The following ATP11A variants were observed in gnomAD, a reference collection of about 807,000 sequenced individuals.
ATP11A encodes phospholipid-transporting ATPase IH.
ATP11A carries 81 observed loss-of-function variants against 154.4 expected under a neutral mutation model. The observed-to-expected ratio is 0.52, with a 90% confidence interval of 0.44 to 0.63. The LOEUF is 0.63. Among genes scored for constraint, ATP11A ranks in the 30% least tolerant of loss-of-function variants. The pLI, the probability that ATP11A is intolerant of heterozygous loss-of-function variation, is 0.00. For missense variants in ATP11A, 1,316 were observed against 1,474.3 expected (o/e 0.89, Z 1.76); for synonymous variants, 623 against 585.9 (o/e 1.06, Z -0.91).
chr13:112,785,829 CAG>C lies in ATP11A; in HGVS notation c.162+577_162+578del, dbSNP rs2077611717. ...GAAGTGCACACACATTTCCCACGTT[CAG>C]AGAGTGACCTGGAAACAGGTCTTAA... On this transcript the variant is annotated intron_variant, in intron 2 of 29. Transcript: ENST00000375645. This position sits in a 1 kb window ranked among gnomAD's most constrained non-coding sequence, Gnocchi z 4.8. Among the ~76,000 whole-genome samples the C allele has an allele frequency of 1.3e-5, 2 of 152,244 alleles. No homozygotes were observed. The highest frequency in any genetic ancestry group is 1.3e-4 in the Admixed American group (2 of 15,290).
In ATP11A at chr13:112,690,048, G is replaced by A. The variant is rs945943962; in HGVS notation, c.-369G>A. On this transcript the variant is annotated 5_prime_UTR_variant, in exon 1 of 30. Coordinates refer to ENST00000375645, the MANE Select transcript of ATP11A (RefSeq NM_015205.3). The surrounding 1 kb of genome is among the most constrained non-coding windows in gnomAD (Gnocchi z 5.6). ...GGGCCCGGAGGCTCCAGAGGGCGGCGGGCAGGGGAGGAGGAGACTCGGGAG... is the reference window on the plus strand; with the variant it reads ...GGGCCCGGAGGCTCCAGAGGGCGGCAGGCAGGGGAGGAGGAGACTCGGGAG... Among the ~76,000 whole-genome samples, 2 of 148,714 alleles carry A rather than the reference G, an allele frequency of 1.3e-5. No individual in the cohort carries two copies. Among genetic ancestry groups the A allele is most frequent in the Admixed American group, 1.3e-4 (2 of 14,986 alleles).
intron 1 of ATP11A, among the ~76,000 whole-genome samples, chr13:112,709,060 A>C (rs1887465839): frequency 6.6e-6 from 1 of 151,414 alleles, no homozygotes; most frequent in Admixed American, 6.6e-5. Context: ...TGGGAGGGGG[A>C]ATTGGGTGTC....
In ATP11A at chr13:112,786,516, CTG is replaced by C. The variant is rs1195644081; in HGVS notation, c.162+1262_162+1263del. The stretch of plus-strand genomic sequence containing the variant: ...GTGGACGGGCTGCACATGGGGTAAA[CTG>C]TGCTTTCCAGGTAATGCGGAACGCA... On this transcript the variant is annotated intron_variant, in intron 2 of 29. Coordinates refer to ENST00000375645, the MANE Select transcript of ATP11A (RefSeq NM_015205.3). Among the ~76,000 whole-genome samples the C allele has an allele frequency of 2.4e-3, 140 of 58,836 alleles. 36 individuals carry two copies. Among genetic ancestry groups the C allele is most frequent in the African/African-American group, 7.9e-3 (82 of 10,422 alleles). The allele number at this position is 58,836 out of a possible 152,430, so 38.6% of individuals were successfully genotyped here. A position where few individuals can be genotyped will look rare whatever the true frequency, so the allele number is the denominator to read the frequency against.
intron 16 of ATP11A, among the ~76,000 whole-genome samples, chr13:112,841,114 AC>A (rs2079402980): frequency 6.6e-6 from 1 of 152,176 alleles, no homozygotes; most frequent in Non-Finnish European, 1.5e-5. Context: ...GCAGAGTGCC[AC>A]GTGGCTTCGC....
rs116806838 is a variant in ATP11A at position 112,768,300 on chromosome 13, C to A, written c.40-16835C>A. Among the ~76,000 whole-genome samples, 579 of 152,370 alleles carry A rather than the reference C, an allele frequency of 3.8e-3. 3 individuals are homozygous for A. The highest frequency in any genetic ancestry group is 0.013 in the African/African-American group (548 of 41,588). On this transcript the variant is annotated intron_variant, in intron 1 of 29. Coordinates refer to ENST00000375645, the MANE Select transcript of ATP11A (RefSeq NM_015205.3). ...CTTTCACTTCTGCCTTCTGCGGCGTCTTCCTCTGTGGAGTTGGCGTCGGCC... is the reference window on the plus strand; with the variant it reads ...CTTTCACTTCTGCCTTCTGCGGCGTATTCCTCTGTGGAGTTGGCGTCGGCC...
At chr13:112,852,416 T>C (rs1312635709) in intron 18 of ATP11A, among the ~76,000 whole-genome samples, 5 of 152,324 alleles carry the variant, frequency 3.3e-5, no homozygotes, top group Admixed American at 3.3e-4. Flanking sequence ...TTGGTGGTTT[T>C]GTGTTTTGTT....
At chr13:112,711,673 C>T (rs1303923783) in intron 1 of ATP11A, among the ~76,000 whole-genome samples, 1 of 152,218 alleles carries the variant, frequency 6.6e-6, no homozygotes, top group African/African-American at 2.4e-5. Context: ...GGGCTTTGGA[C>T]CGGGCAAGAC....
intron 12 of ATP11A, among the ~76,000 whole-genome samples, chr13:112,829,033 C>G (rs148062078): frequency 4.3e-4 from 65 of 152,378 alleles, no homozygotes; most frequent in African/African-American, 1.5e-3. Flanking sequence ...TGCACCTTCT[C>G]TGTATCCTGT....
At chr13:112,768,482 G>A (rs1032649819) in intron 1 of ATP11A, among the ~76,000 whole-genome samples, 5 of 152,208 alleles carry the variant, frequency 3.3e-5, no homozygotes, top group African/African-American at 9.6e-5. Flanking sequence ...GTTGTTCTGT[G>A]TATGCTGTTA....
At chr13:112,823,565 A>G (rs2078856731) in intron 9 of ATP11A, among the ~76,000 whole-genome samples, 156 bp downstream of exon 9, 1 of 152,278 alleles carries the variant, frequency 6.6e-6, no homozygotes, top group Non-Finnish European at 1.5e-5. Flanking sequence ...AGATTTGATC[A>G]GTGAATAAGT....
At chr13:112,863,957 TTCA>T (rs1163531840) in intron 25 of ATP11A, among the ~76,000 whole-genome samples, 1 of 85,132 alleles carries the variant, frequency 1.2e-5, no homozygotes, top group Non-Finnish European at 2.4e-5. Context: ...TGCGCAGTAA[TTCA>T]GTGCGGCCCA....
chr13:112,853,405 A>C (rs191541522), intron 18 of ATP11A, among the ~76,000 whole-genome samples: 251 of 152,302 alleles, frequency 1.6e-3, no homozygotes, highest in South Asian at 4.3e-3. Context: ...GTTCTTCCCA[A>C]AACCTAACCA....
rs775499478 is a variant in ATP11A, at chr13:112,857,803, T to C, written c.2419-15T>C. On this transcript the variant is annotated splice_polypyrimidine_tract_variant and intron_variant, in intron 20 of 29. Transcript: ENST00000375645. The stretch of plus-strand genomic sequence containing the variant: ...GAAACAGAGAAGATAAATTCCGCAT[T>C]TCTTTCTTTTGCAGATTGTTAAATT... 1 of 1,601,020 alleles carries C rather than the reference T, an allele frequency of 6.2e-7. No individual in the cohort carries two copies. The highest frequency in any genetic ancestry group is 8.6e-7 in the Non-Finnish European group (1 of 1,168,118).
At position 112,816,131 on chromosome 13, in the gene ATP11A, T is replaced by G. The variant is rs1188877668; in HGVS notation, c.490T>G (p.Leu164Val). 6.2e-7 allele frequency: 1 copy of G among 1,614,122 alleles called. No homozygotes were observed. Among genetic ancestry groups the G allele is most frequent in the East Asian group, 2.2e-5 (1 of 44,894 alleles). The change falls in exon 6 of 30, where the codon TTG (leucine) becomes GTG (valine). Residue 164 changes from leucine to valine, a missense_variant. By Grantham distance (32) the Leu-to-Val change is conservative (BLOSUM62 1). This residue lies in a region of ATP11A where 876 missense variants were observed against 1,006.8 expected (regional missense o/e 0.87). Transcript: ENST00000375645. ...GGAGGACGAGACCTTTCCCTGCGAC[T>G]TGATCTTCCTTTCCAGCAACCGGGG... Reference protein sequence around the residue: ...VKEDETFPCDLIFLSSNRGDG... With the variant: ...VKEDETFPCDVIFLSSNRGDG...
intron 1 of ATP11A, among the ~76,000 whole-genome samples, chr13:112,778,713 G>A (rs2077412149): frequency 1.3e-5 from 2 of 148,382 alleles, no homozygotes; most frequent in African/African-American, 5.1e-5. Flanking sequence ...AGTAGCCGCT[G>A]GAGTGAGTAG....
intron 23 of ATP11A, 112 bp from the exon 24 acceptor site, chr13:112,860,175 A>C: frequency 7.1e-5 from 83 of 1,164,288 alleles, no homozygotes; most frequent in Non-Finnish European, 8.7e-5. Context: ...AAGCTTTGAA[A>C]AGCGCTCTGG....
intron 8 of ATP11A, among the ~76,000 whole-genome samples, chr13:112,822,371 TTGTTCTTCCA>T (rs1376366837): frequency 6.6e-6 from 1 of 152,228 alleles, no homozygotes; most frequent in Non-Finnish European, 1.5e-5. Context: ...AGAACGGGGC[TTGTTCTTCCA>T]TGTGTGAGAT....
At chr13:112,880,591 G>T in intron 29 of ATP11A, 1 of 1,300,824 alleles carries the variant, frequency 7.7e-7, no homozygotes, top group Non-Finnish European at 1.0e-6. Flanking sequence ...ACAGAGCAGC[G>T]ATGGGCCCCT....
rs1176434982 is a variant in ATP11A, at chr13:112,785,729, A to G, written c.162+472A>G. On this transcript the variant is annotated intron_variant, in intron 2 of 29. Coordinates refer to ENST00000375645, the MANE Select transcript of ATP11A (RefSeq NM_015205.3). The surrounding 1 kb of genome is among the most constrained non-coding windows in gnomAD (Gnocchi z 4.8). ...TGAGCTTGTTCACGAGGTGCAGCCC[A>G]GGTAAAGCGTAGGAAGCACAAGCAG... Among the ~76,000 whole-genome samples the G allele has an allele frequency of 6.6e-6, 1 of 152,212 alleles. No homozygotes were observed. The highest frequency in any genetic ancestry group is 1.5e-5 in the Non-Finnish European group (1 of 68,038).
Sources: gnomAD v4.1 joint callset for allele counts (sites outside exome capture counted in the v4.1 genomes callset) on GRCh38, gnomAD v4.1.1 for gene constraint, gnomAD v4.1.1 regional missense constraint, Gnocchi (gnomAD v3.1) non-coding constraint, MANE v1.5 for transcripts, NCBI Gene and HGNC (gene_info 2026-07-23, HGNC 2026-07-21) for gene names.